The following BFSP1 variants were observed in gnomAD, a reference collection of about 807,000 sequenced individuals.
BFSP1 encodes the protein beaded filament structural protein 1.
A neutral mutation model predicts 43.9 loss-of-function variants in BFSP1; 38 were observed. That is an observed-to-expected ratio of 0.87 (90% CI 0.67 to 1.14). BFSP1 has a LOEUF of 1.14. Among genes scored for constraint, BFSP1 ranks in the 50% most tolerant of loss-of-function variants. The pLI is 0.00. For synonymous variants in BFSP1, 352 were observed against 354.8 expected (o/e 0.99, Z 0.09); for missense variants, 850 against 875.1 (o/e 0.97, Z 0.36).
intron 5 of BFSP1, among the ~76,000 whole-genome samples, chr20:17,502,265 GACAC>G (rs2033822318): frequency 1.3e-5 from 2 of 152,150 alleles, no homozygotes; most frequent in Non-Finnish European, 2.9e-5. Flanking sequence ...CCTGTATGAG[GACAC>G]AGCCACATAA....
intron 1 of BFSP1, among the ~76,000 whole-genome samples, chr20:17,547,345 G>T (rs765287662): frequency 3.3e-5 from 5 of 152,062 alleles, no homozygotes; most frequent in African/African-American, 1.2e-4. Flanking sequence ...GCTTCCTGCT[G>T]AACAGGGTTG....
intron 2 of BFSP1, among the ~76,000 whole-genome samples, chr20:17,515,017 T>C (rs1644314069): frequency 6.6e-6 from 1 of 152,220 alleles, no homozygotes; most frequent in African/African-American, 2.4e-5. Flanking sequence ...AGAGCAGTTC[T>C]CAACAGAGGG....
Position 17,537,317 on chromosome 20 carries a change from A to G in BFSP1, c.3-12409T>C, listed in dbSNP as rs535293335. ...CTGCTCCCTGTAGCCAGGCCTCTCC[A>G]TGAGGCCCCAGTCTCTAAAGACGCA... On this transcript the variant is annotated intron_variant, in intron 1 of 7. Coordinates refer to the BFSP1 transcript ENST00000377868. Among the ~76,000 whole-genome samples the G allele has an allele frequency of 2.0e-4, 30 of 152,200 alleles. 1 individual carries two copies. In the South Asian group the frequency reaches 3.7e-3, roughly 19 times the overall value.
At chr20:17,567,794 G>C (rs975380775) in intron 1 of BFSP1, among the ~76,000 whole-genome samples, 5 of 151,662 alleles carry the variant, frequency 3.3e-5, no homozygotes, top group Non-Finnish European at 5.9e-5. Flanking sequence ...CCGAGAGGCG[G>C]AGGTTGCAGT....
At chr20:17,513,063 A>G (rs1316554796) in intron 3 of BFSP1, among the ~76,000 whole-genome samples, 1 of 152,150 alleles carries the variant, frequency 6.6e-6, no homozygotes, top group Non-Finnish European at 1.5e-5. Context: ...CAGGCCAACG[A>G]CTGACAGCAC....
At chr20:17,539,105 C>CTTTTTTTTTT (rs1156875265) in intron 1 of BFSP1, among the ~76,000 whole-genome samples, 1 of 63,564 alleles carries the variant, frequency 1.6e-5, no homozygotes, top group African/African-American at 6.8e-5. Flanking sequence ...ATTTCTTCTT[C>CTTTTTTTTTT]TTTTTTTTTT....
chr20:17,510,543 G>A (rs1382290751), intron 4 of BFSP1, among the ~76,000 whole-genome samples: 1 of 152,150 alleles, frequency 6.6e-6, no homozygotes, highest in Non-Finnish European at 1.5e-5. Context: ...CTATCCTCAT[G>A]AATGCCAAAA....
intron 2 of BFSP1, among the ~76,000 whole-genome samples, 166 bp downstream of exon 2, chr20:17,524,682 C>T (rs1405112086): frequency 6.6e-6 from 1 of 152,092 alleles, no homozygotes; most frequent in Non-Finnish European, 1.5e-5. Flanking sequence ...TGTGAGTTCA[C>T]TCATAAAGAC....
chr20:17,561,907 G>GT (rs1264628222), upstream of BFSP1, among the ~76,000 whole-genome samples: 2 of 151,964 alleles, frequency 1.3e-5, no homozygotes, highest in African/African-American at 4.8e-5. Context: ...CTAGAGAGAG[G>GT]TTTTATACTT....
At chr20:17,506,179 G>C (rs1361732637) in intron 5 of BFSP1, among the ~76,000 whole-genome samples, 1 of 152,148 alleles carries the variant, frequency 6.6e-6, no homozygotes, top group African/African-American at 2.4e-5. Context: ...GCCAGCAGCC[G>C]GCAAAGAAAC....
At chr20:17,552,406 G>A (rs1050238595) in intron 1 of BFSP1, among the ~76,000 whole-genome samples, 3 of 152,210 alleles carry the variant, frequency 2.0e-5, no homozygotes, top group African/African-American at 7.2e-5. Flanking sequence ...GAAGGGCAAC[G>A]AGAGGACAGA....
chr20:17,548,450 A>G (rs777272247), intron 1 of BFSP1, among the ~76,000 whole-genome samples: 3 of 152,232 alleles, frequency 2.0e-5, no homozygotes, highest in Admixed American at 6.5e-5. Context: ...TCAGATTCAG[A>G]CTTGTTAAAG....
chr20:17,541,511 C>T (rs916854470), intron 1 of BFSP1, among the ~76,000 whole-genome samples: 2 of 152,018 alleles, frequency 1.3e-5, no homozygotes, highest in Non-Finnish European at 2.9e-5. Context: ...AGGGACAGAA[C>T]AAAAATACAT....
upstream of BFSP1, among the ~76,000 whole-genome samples, chr20:17,563,332 GTA>G (rs538058758): frequency 5.3e-5 from 8 of 152,028 alleles, no homozygotes; most frequent in East Asian, 1.4e-3. Flanking sequence ...TAGAAATATG[GTA>G]TATGTTTCTG....
intron 1 of BFSP1, among the ~76,000 whole-genome samples, chr20:17,528,092 T>TCAACTCAC (rs2034459888): frequency 6.6e-6 from 1 of 152,186 alleles, no homozygotes; most frequent in East Asian, 1.9e-4. Flanking sequence ...TAGGTAGCCA[T>TCAACTCAC]CAACTCACCT....
At chr20:17,508,863 T>A (rs772128434) in intron 5 of BFSP1, 26 bp downstream of exon 5, 1 of 1,525,796 alleles carries the variant, frequency 6.6e-7, no homozygotes, top group Admixed American at 2.2e-5. Flanking sequence ...GAAGCCCCAA[T>A]GCACACGCGG....
chr20:17,566,057 G>A (rs1242111388), intron 1 of BFSP1, among the ~76,000 whole-genome samples: 1 of 143,730 alleles, frequency 7.0e-6, no homozygotes, highest in East Asian at 2.1e-4. Flanking sequence ...GGCGGAGGTT[G>A]CAGTGAGCTG....
At chr20:17,531,426 C>G (rs940369345), upstream of BFSP1, 1 of 1,244,690 alleles carries the variant, frequency 8.0e-7, no homozygotes, top group African/African-American at 1.6e-5. Context: ...CGGAGGCCCC[C>G]GGCGCGCTGC....
In BFSP1 at chr20:17,525,661, A is replaced by C. The variant is rs1475975576; in HGVS notation, c.378-753T>G. Among the ~76,000 whole-genome samples the C allele has an allele frequency of 6.6e-6, 1 of 152,030 alleles. No individual in the cohort carries two copies. Among genetic ancestry groups the C allele is most frequent in the African/African-American group, 2.4e-5 (1 of 41,396 alleles). The stretch of plus-strand genomic sequence containing the variant: ...GGCACGTCCCTCTGGGGGAATTTTA[A>C]CCCTAAAGAGAGAAGATTCCTTCCT... On this transcript the variant is annotated intron_variant, in intron 1 of 7. Coordinates refer to ENST00000377873, the MANE Select transcript of BFSP1 (RefSeq NM_001195.5). This position sits in a 1 kb window ranked among gnomAD's most constrained non-coding sequence, Gnocchi z 4.2.
Sources: allele counts gnomAD v4.1 joint callset (sites outside exome capture counted in the v4.1 genomes callset), GRCh38; gene constraint gnomAD v4.1.1; non-coding constraint Gnocchi (gnomAD v3.1); transcripts MANE v1.5; gene names NCBI Gene and HGNC (gene_info 2026-07-23, HGNC 2026-07-21).